The following CAST variants were observed in gnomAD, a reference collection of about 807,000 sequenced individuals.
CAST encodes calpastatin, also known as MIR583 host.
A neutral mutation model predicts 119.6 loss-of-function variants in CAST; 76 were observed. The observed-to-expected ratio is 0.64, with a 90% CI of 0.53 to 0.77. The LOEUF (loss-of-function observed/expected upper bound fraction) is 0.77. CAST is among the 30% of genes least tolerant of loss of function. The pLI, the probability that CAST is intolerant of heterozygous loss-of-function variation, is 0.00. For missense variants in CAST, 953 were observed against 946.5 expected (o/e 1.01, Z -0.09); for synonymous variants, 319 against 331.6 (o/e 0.96, Z 0.41).
the CAST span, among the ~76,000 whole-genome samples, chr5:95,993,250 G>T: frequency 6.6e-6 from 1 of 152,118 alleles, no homozygotes; most frequent in African/African-American, 2.4e-5. Flanking sequence ...CCTTACCTTA[G>T]ACCCTACACA....
the CAST span, among the ~76,000 whole-genome samples, chr5:96,306,639 G>C: frequency 1.3e-5 from 2 of 152,010 alleles, no homozygotes; most frequent in Non-Finnish European, 2.9e-5. Flanking sequence ...AGAGATTCTG[G>C]TACATTGTGT....
chr5:96,394,768 G>T, the CAST span: 4 of 1,074,408 alleles, frequency 3.7e-6, no homozygotes, highest in African/African-American at 3.1e-5. Context: ...ATCCATGTTT[G>T]ACTTATTTCC....
chr5:96,214,529 A>G, the CAST span, among the ~76,000 whole-genome samples: 12 of 152,346 alleles, frequency 7.9e-5, no homozygotes, highest in Admixed American at 7.8e-4. Flanking sequence ...AATGAATTGC[A>G]AAATAAAGAC....
the CAST span, among the ~76,000 whole-genome samples, chr5:96,451,905 G>T: frequency 6.6e-6 from 1 of 152,292 alleles, no homozygotes; most frequent in East Asian, 1.9e-4. Context: ...CATCATCACT[G>T]GTCATTAGAG....
chr5:96,753,332 C>T lies in CAST; in HGVS notation c.1525-728C>T, dbSNP rs146444113. Reference sequence around the variant, plus strand: ...CTTCATTAAAAAAGAAAAGTCCTGGCCATGAACCATTAAGTTGATTCTTAT... The same window carrying T: ...CTTCATTAAAAAAGAAAAGTCCTGGTCATGAACCATTAAGTTGATTCTTAT... On this transcript the variant is annotated intron_variant, in intron 20 of 31. Coordinates refer to ENST00000675179, the MANE Select transcript of CAST (RefSeq NM_001750.7). 1.5e-3 allele frequency among the ~76,000 whole-genome samples: 234 copies of T among 152,224 alleles called. 1 individual carries two copies. Among genetic ancestry groups the T allele is most frequent in the African/African-American group, 5.3e-3 (220 of 41,522 alleles).
intron 2 of CAST, among the ~76,000 whole-genome samples, chr5:96,680,380 G>GAAAA (rs1751255045): frequency 1.4e-5 from 1 of 72,736 alleles, no homozygotes; most frequent in African/African-American, 7.5e-5. Flanking sequence ...AAAAAAAAAA[G>GAAAA]AAGAAGAAGA....
the CAST span, among the ~76,000 whole-genome samples, chr5:96,248,719 A>G: frequency 6.6e-6 from 1 of 152,240 alleles, no homozygotes; most frequent in African/African-American, 2.4e-5. Flanking sequence ...ATAATTCACA[A>G]TGAAATATTA....
the CAST span, among the ~76,000 whole-genome samples, chr5:96,370,720 T>G: frequency 6.6e-6 from 1 of 152,200 alleles, no homozygotes; most frequent in Non-Finnish European, 1.5e-5. Context: ...TGGACTACAC[T>G]GTGCAACTGT....
At chr5:96,498,912 C>A in the CAST span, among the ~76,000 whole-genome samples, 7 of 151,998 alleles carry the variant, frequency 4.6e-5, 1 homozygote, top group African/African-American at 1.7e-4. Context: ...CTATGGAGGA[C>A]CATTCTTCTT....
At chr5:96,562,534 G>A (rs192084243) in intron 1 of CAST, among the ~76,000 whole-genome samples, 11 of 152,224 alleles carry the variant, frequency 7.2e-5, no homozygotes, top group Admixed American at 5.2e-4. Context: ...CTGGGCGGGA[G>A]TACAAAATGA....
the CAST span, among the ~76,000 whole-genome samples, chr5:96,425,007 G>A: frequency 2.7e-3 from 180 of 66,912 alleles, no homozygotes; most frequent in African/African-American, 0.012. Context: ...GAGAAAGAAA[G>A]AAAAGAAAGA....
chr5:96,526,535 A>C (rs1745599600), upstream of CAST, among the ~76,000 whole-genome samples: 1 of 152,186 alleles, frequency 6.6e-6, no homozygotes, highest in East Asian at 1.9e-4. Context: ...TTGATGGGGA[A>C]ATAAAGAGCT....
chr5:96,705,604 T>C (rs978033019), intron 3 of CAST, among the ~76,000 whole-genome samples: 1 of 152,094 alleles, frequency 6.6e-6, no homozygotes, highest in South Asian at 2.1e-4. Context: ...AAGGTGACTG[T>C]AATAGGTTCT....
chr5:96,768,054 A>G, intron 29 of CAST, 55 bp downstream of exon 29: 1 of 1,113,196 alleles, frequency 9.0e-7, no homozygotes, highest in Non-Finnish European at 1.4e-6. Context: ...GTATGTGTAC[A>G]TACATATAAG....
At chr5:96,579,979 C>A (rs897166653) in intron 1 of CAST, among the ~76,000 whole-genome samples, 10 of 152,206 alleles carry the variant, frequency 6.6e-5, no homozygotes, top group Non-Finnish European at 1.3e-4. Flanking sequence ...CTGGTGAGAA[C>A]AAGGGGTCAA....
At chr5:96,546,404 A>G (rs893606723) in intron 1 of CAST, 1 of 152,174 alleles carries the variant, frequency 6.6e-6, no homozygotes, top group African/African-American at 2.4e-5. Flanking sequence ...TGCCCAGTCA[A>G]CCTTATAGCT....
At chr5:96,417,874 T>A in the CAST span, among the ~76,000 whole-genome samples, 1 of 152,156 alleles carries the variant, frequency 6.6e-6, no homozygotes, top group Non-Finnish European at 1.5e-5. Context: ...GAAGGAGTAA[T>A]TCAGTTGTCA....
chr5:96,536,615 T>C (rs1356909385), intron 1 of CAST, among the ~76,000 whole-genome samples: 2 of 152,088 alleles, frequency 1.3e-5, no homozygotes, highest in Non-Finnish European at 2.9e-5. Flanking sequence ...TTGAAGAAAA[T>C]CCATGGATTT....
chr5:96,184,545 T>C, the CAST span, among the ~76,000 whole-genome samples: 9 of 152,172 alleles, frequency 5.9e-5, no homozygotes, highest in Non-Finnish European at 1.3e-4. Flanking sequence ...GTGTTGTTCC[T>C]GCCCATGTGT....
Sources: gnomAD v4.1 joint callset for allele counts (sites outside exome capture counted in the v4.1 genomes callset) on GRCh38, gnomAD v4.1.1 for gene constraint, MANE v1.5 for transcripts, NCBI Gene and HGNC (gene_info 2026-07-23, HGNC 2026-07-21) for gene names.